CHRDL2: variants seen among roughly 807,000 people sequenced by gnomAD.
The protein encoded by CHRDL2 is chordin-like protein 2.
Under a neutral mutation model 54.3 loss-of-function variants are expected in CHRDL2, and 41 were observed. The observed-to-expected ratio is 0.76, with a 90% CI of 0.59 to 0.98. CHRDL2 has a LOEUF of 0.98. Among genes scored for constraint, CHRDL2 ranks in the 50% least tolerant of loss-of-function variants. The pLI is 0.00. For synonymous variants in CHRDL2, 220 were observed against 224.3 expected, an observed-to-expected ratio of 0.98 and a Z score of 0.17; for missense variants, 518 against 562.4, an observed-to-expected ratio of 0.92 and a Z score of 0.80.
chr11:74,706,589 T>G (rs753006153), intron 5 of CHRDL2, 47 bp from the exon 6 acceptor site: 5 of 1,598,374 alleles, frequency 3.1e-6, no homozygotes, highest in Admixed American at 3.3e-5. Flanking sequence ...TCCCCAGCCT[T>G]GCTGGCTAGA....
At chr11:74,703,250 A>G in intron 8 of CHRDL2, 55 bp downstream of exon 8, 2 of 1,514,484 alleles carry the variant, frequency 1.3e-6, no homozygotes. Context: ...CTGGGGAGAG[A>G]GACCCAGGGC....
intron 3 of CHRDL2, 77 bp downstream of exon 3, chr11:74,713,309 G>T: frequency 7.9e-7 from 1 of 1,273,476 alleles, no homozygotes; most frequent in Non-Finnish European, 1.1e-6. Context: ...TCCTTGCAGG[G>T]GTCTCCCTCA....
At chr11:74,702,170 C>T (rs1278471329) in intron 9 of CHRDL2, among the ~76,000 whole-genome samples, 5 of 151,470 alleles carry the variant, frequency 3.3e-5, no homozygotes, top group African/African-American at 4.9e-5. Flanking sequence ...ATGGGAGGAT[C>T]GTTTGAGCCC....
At chr11:74,713,825 C>T (rs1164201900) in intron 2 of CHRDL2, among the ~76,000 whole-genome samples, 1 of 152,096 alleles carries the variant, frequency 6.6e-6, no homozygotes, top group Admixed American at 6.5e-5. Flanking sequence ...AGGGCTTGGT[C>T]CTTTTAACTC....
rs550752227 is a variant in CHRDL2, at chr11:74,710,131, G to A, written c.432+718C>T. ...CTCGGGAGTCTGAGGCAGGAGAATG[G>A]CATGAACCCGGGAGGCGGAGCTTGC... On this transcript the variant is annotated intron_variant, in intron 4 of 10. Coordinates refer to ENST00000376332, the MANE Select transcript of CHRDL2 (RefSeq NM_001278473.3). Among the ~76,000 whole-genome samples the A allele has an allele frequency of 2.6e-4, 40 of 151,732 alleles. 1 individual carries two copies. Among genetic ancestry groups the A allele is most frequent in the African/African-American group, 9.2e-4 (38 of 41,288 alleles).
At chr11:74,712,183 T>G (rs1328467908) in intron 3 of CHRDL2, among the ~76,000 whole-genome samples, 1 of 151,960 alleles carries the variant, frequency 6.6e-6, no homozygotes, top group Admixed American at 6.6e-5. Flanking sequence ...CAAGCAATGA[T>G]GCTGTAGCAG....
chr11:74,705,053 C>T (rs777765685), intron 6 of CHRDL2, among the ~76,000 whole-genome samples: 9 of 152,088 alleles, frequency 5.9e-5, no homozygotes, highest in East Asian at 1.9e-4. Flanking sequence ...TTCTCCTTTG[C>T]GGAGATTTAG....
At chr11:74,721,117 C>T (rs1473938159) in intron 1 of CHRDL2, among the ~76,000 whole-genome samples, 2 of 152,226 alleles carry the variant, frequency 1.3e-5, no homozygotes, top group African/African-American at 2.4e-5. Flanking sequence ...ATCAAATGAG[C>T]TGTGTTTATC....
At chr11:74,703,717 C>T (rs1197955337) in intron 7 of CHRDL2, among the ~76,000 whole-genome samples, 1 of 152,274 alleles carries the variant, frequency 6.6e-6, no homozygotes, top group African/African-American at 2.4e-5. Flanking sequence ...CCAGAAGGAA[C>T]TTACTGAAGA....
rs2033945843 is a variant in CHRDL2, at chr11:74,704,631, G to A, written c.606C>T (p.Ser202=). The A allele has an allele frequency of 4.4e-6, 7 of 1,605,748 alleles. No homozygotes were observed. Among genetic ancestry groups the A allele is most frequent in the African/African-American group, 1.3e-5 (1 of 74,620 alleles). The change falls in exon 7 of 11, where the codon TCC becomes TCT. Residue 202 remains serine, a synonymous_variant. Transcript: ENST00000376332. ...GGCCTCTCTTTCTCCCAGCATCACT[G>A]GAACATGGATCCTGAGGATGTCTCT... is the stretch of plus-strand genomic sequence containing the variant. ...HGVRHPQDPC[S]SDAGRKRGPG... is the part of the protein sequence containing the mutation.
At chr11:74,703,557 C>G in intron 7 of CHRDL2, 58 bp from the exon 8 acceptor site, 1 of 1,447,494 alleles carries the variant, frequency 6.9e-7, no homozygotes, top group East Asian at 2.5e-5. Context: ...GCCAGGGCCT[C>G]TGGTCCAGCA....
At position 74,731,095 on chromosome 11, in the gene CHRDL2, GAA is replaced by G. The variant is rs781264433; in HGVS notation, c.-209_-208del. On this transcript the variant is annotated 5_prime_UTR_variant, in exon 1 of 11. Coordinates refer to ENST00000376332, the MANE Select transcript of CHRDL2 (RefSeq NM_001278473.3). This position sits in a 1 kb window ranked among gnomAD's most constrained non-coding sequence, Gnocchi z 4.4. The stretch of plus-strand genomic sequence containing the variant: ...CTAAGGTGGGAAGAAGAGAAAGGTG[GAA>G]AGAGAACGCGGGGAAAGGAGGGAGA... The G allele has an allele frequency of 4.7e-4, 269 of 576,790 alleles. 1 individual carries two copies. Among genetic ancestry groups the G allele is most frequent in the South Asian group, 2.5e-4 (12 of 47,506 alleles). 35.7% of individuals were successfully genotyped at this position (576,790 alleles called of 1,614,324 possible).
At chr11:74,719,077 A>C in intron 1 of CHRDL2, 1 of 474,372 alleles carries the variant, frequency 2.1e-6, no homozygotes, top group South Asian at 3.1e-5. Flanking sequence ...CTTAACGCTT[A>C]TCTCACAGGG....
At chr11:74,704,928 G>A (rs1320782721) in intron 6 of CHRDL2, among the ~76,000 whole-genome samples, 1 of 152,250 alleles carries the variant, frequency 6.6e-6, no homozygotes, top group African/African-American at 2.4e-5. Context: ...GGGGCCTTGG[G>A]GTTGGGGTGG....
In CHRDL2 at chr11:74,706,514, C is replaced by T. The variant is rs1323275699; in HGVS notation, c.555G>A (p.Glu185=). 9 of 1,614,122 alleles carry T rather than the reference C, an allele frequency of 5.6e-6. No individual in the cohort carries two copies. The highest frequency in any genetic ancestry group is 7.6e-6 in the Non-Finnish European group (9 of 1,179,986). The part of the protein sequence containing the change: ...KDEASEQSDE[E]DSVQSLHGVR... ...CCCCATGGAGCGACTGCACACTGTC[C>T]TCTTCATCCGATTGCTCACTTGCCT... Residue 185 remains glutamate, a synonymous_variant, in exon 6 of 11, where the codon GAG becomes GAA. Coordinates refer to ENST00000376332, the MANE Select transcript of CHRDL2 (RefSeq NM_001278473.3).
chr11:74,716,062 G>A (rs2034342252), intron 2 of CHRDL2, among the ~76,000 whole-genome samples: 1 of 152,100 alleles, frequency 6.6e-6, no homozygotes, highest in African/African-American at 2.4e-5. Flanking sequence ...AGCTGTCAGG[G>A]AAGGCTTTAT....
chr11:74,706,880 T>C (rs1404215028), intron 5 of CHRDL2, among the ~76,000 whole-genome samples: 1 of 152,198 alleles, frequency 6.6e-6, no homozygotes, highest in African/African-American at 2.4e-5. Context: ...CACTGGGCCA[T>C]ACCTTTCAGT....
intron 4 of CHRDL2, 88 bp from the exon 5 acceptor site, chr11:74,708,483 T>A: frequency 1.0e-6 from 1 of 997,282 alleles, no homozygotes; most frequent in Non-Finnish European, 1.5e-6. Context: ...TGGGAGCAAA[T>A]GGCCTTGAGG....
At chr11:74,696,810 C>G (rs1310668504) in intron 10 of CHRDL2, among the ~76,000 whole-genome samples, 1 of 152,216 alleles carries the variant, frequency 6.6e-6, no homozygotes, top group Non-Finnish European at 1.5e-5. Context: ...TTCCTGACAC[C>G]TGTTGGTAAT....
Sources: allele counts gnomAD v4.1 joint callset (sites outside exome capture counted in the v4.1 genomes callset), GRCh38; gene constraint gnomAD v4.1.1; non-coding constraint Gnocchi (gnomAD v3.1); transcripts MANE v1.5; gene names NCBI Gene and HGNC (gene_info 2026-07-23, HGNC 2026-07-21).